Variants in SCFD2 observed in about 807,000 individuals in gnomAD.
SCFD2 encodes the protein sec1 family domain containing 2.
Under a neutral mutation model 58.9 loss-of-function variants are expected in SCFD2, and 54 were observed. The ratio of observed to expected loss-of-function variants is 0.92; its 90% CI spans 0.74 to 1.15. SCFD2 has a LOEUF of 1.15. Ranked by LOEUF, SCFD2 falls within the 50% of genes most tolerant of loss-of-function variation. SCFD2 has a pLI of 0.00. For missense variants in SCFD2, 805 were observed against 836.6 expected (o/e 0.96, Z 0.47); for synonymous variants, 321 against 335.9 (o/e 0.96, Z 0.49).
Position 52,926,407 on chromosome 4 carries a change from C to T in SCFD2, c.1562-5537G>A, listed in dbSNP as rs548363489. ...ACACACACAGACACACACACGCACG[C>T]GTGCGCACCTGTACACATATGCATT... On this transcript the variant is annotated intron_variant, in intron 5 of 8. Transcript: ENST00000401642. Among the ~76,000 whole-genome samples the T allele has an allele frequency of 4.6e-5, 7 of 152,198 alleles. No individual in the cohort carries two copies. In the South Asian group the frequency reaches 1.0e-3, roughly 23 times the overall value.
At chr4:53,062,883 T>C (rs1279516376) in intron 5 of SCFD2, among the ~76,000 whole-genome samples, 1 of 152,138 alleles carries the variant, frequency 6.6e-6, no homozygotes, top group East Asian at 1.9e-4. Context: ...GGATTTAGTC[T>C]CTTGAGTAAC....
At chr4:53,223,861 A>C (rs1341960545) in intron 4 of SCFD2, among the ~76,000 whole-genome samples, 1 of 152,212 alleles carries the variant, frequency 6.6e-6, no homozygotes, top group Non-Finnish European at 1.5e-5. Flanking sequence ...ATATATAAAA[A>C]GCTCTTACAA....
rs557174138 is a variant in SCFD2 at position 53,310,163 on chromosome 4, A to G, written c.1135+3473T>C. Among the ~76,000 whole-genome samples, 13 of 152,310 alleles carry G rather than the reference A, an allele frequency of 8.5e-5. No individual in the cohort carries two copies. In the South Asian group the frequency reaches 2.7e-3, roughly 32 times the overall value. ...TATTTAGTGGTCTGGGAGGCTTTCC[A>G]GTAAAAAAGTGTCATGAGCCAGACT... On this transcript the variant is annotated intron_variant, in intron 3 of 8. Coordinates refer to ENST00000401642, the MANE Select transcript of SCFD2 (RefSeq NM_152540.4).
intron 5 of SCFD2, among the ~76,000 whole-genome samples, chr4:52,993,935 T>G (rs1192139266): frequency 6.6e-6 from 1 of 152,242 alleles, no homozygotes; most frequent in Non-Finnish European, 1.5e-5. Context: ...GTCTTGGCAG[T>G]GCCACGGCAA....
At chr4:53,112,720 GATA>G (rs1164543432) in intron 5 of SCFD2, among the ~76,000 whole-genome samples, 1 of 152,046 alleles carries the variant, frequency 6.6e-6, no homozygotes, top group Non-Finnish European at 1.5e-5. Context: ...AGAAAATGGG[GATA>G]ATAATAACAG....
intron 4 of SCFD2, among the ~76,000 whole-genome samples, chr4:53,200,575 A>T (rs1728199620): frequency 6.6e-6 from 1 of 152,140 alleles, no homozygotes; most frequent in Non-Finnish European, 1.5e-5. Flanking sequence ...CTGTTTCTGG[A>T]AAGAACACTG....
intron 5 of SCFD2, among the ~76,000 whole-genome samples, chr4:53,098,925 C>G (rs948139823): frequency 6.6e-6 from 1 of 152,168 alleles, no homozygotes; most frequent in Admixed American, 6.6e-5. Context: ...CTAACATACT[C>G]TATCATTCAT....
At chr4:53,111,011 A>G (rs1228734120) in intron 5 of SCFD2, among the ~76,000 whole-genome samples, 1 of 152,224 alleles carries the variant, frequency 6.6e-6, no homozygotes, top group African/African-American at 2.4e-5. Flanking sequence ...GCAGCCATAA[A>G]AAGGATGAGT....
chr4:53,350,977 T>C (rs1407075017), intron 2 of SCFD2, among the ~76,000 whole-genome samples: 1 of 152,204 alleles, frequency 6.6e-6, no homozygotes, highest in Non-Finnish European at 1.5e-5. Flanking sequence ...CCCAAAGTGC[T>C]GGGATTACAG....
chr4:53,304,018 G>T (rs1212667594), intron 3 of SCFD2, among the ~76,000 whole-genome samples: 3 of 150,882 alleles, frequency 2.0e-5, no homozygotes, highest in Non-Finnish European at 3.0e-5. Flanking sequence ...CGAGTTAATG[G>T]GTGCAGCACA....
chr4:53,227,050 C>A lies in SCFD2; in HGVS notation c.1311+46776G>T, dbSNP rs141123227. On this transcript the variant is annotated intron_variant, in intron 4 of 8. Transcript: ENST00000401642. ...CCTTTCCTGTCATGCTGTCTTCCTGCGAAAGAAGATGGAGCATGTGGCTGA... is the reference window on the plus strand; with the variant it reads ...CCTTTCCTGTCATGCTGTCTTCCTGAGAAAGAAGATGGAGCATGTGGCTGA... Among the ~76,000 whole-genome samples, 3 of 152,246 alleles carry A rather than the reference C, an allele frequency of 2.0e-5. No homozygotes were observed. In the East Asian group the frequency reaches 5.8e-4, roughly 29 times the overall value.
chr4:53,081,828 T>C (rs1449330386), intron 5 of SCFD2, among the ~76,000 whole-genome samples: 4 of 152,130 alleles, frequency 2.6e-5, no homozygotes, highest in African/African-American at 4.8e-5. Context: ...TCATTCCCCA[T>C]GTCCCTCTCT....
chr4:52,885,694 C>T (rs773847898), intron 8 of SCFD2, 53 bp downstream of exon 8: 2 of 1,606,836 alleles, frequency 1.2e-6, no homozygotes, highest in Non-Finnish European at 1.7e-6. Flanking sequence ...CCCTCACCCA[C>T]CCTTCACACC....
intron 8 of SCFD2, among the ~76,000 whole-genome samples, chr4:52,874,953 A>G (rs980055980): frequency 6.6e-6 from 1 of 152,240 alleles, no homozygotes; most frequent in Admixed American, 6.5e-5. Context: ...GTTAATTTCT[A>G]TGATGTGCCA....
chr4:53,342,060 AATAACCAGC>A (rs1731594542), intron 2 of SCFD2, among the ~76,000 whole-genome samples: 1 of 152,250 alleles, frequency 6.6e-6, no homozygotes, highest in South Asian at 2.1e-4. Context: ...TAATGGACAA[AATAACCAGC>A]TAACGTCATA....
intron 5 of SCFD2, among the ~76,000 whole-genome samples, chr4:53,058,340 G>A (rs1485605690): frequency 6.6e-6 from 1 of 151,850 alleles, no homozygotes; most frequent in Non-Finnish European, 1.5e-5. Flanking sequence ...GTTATAGTTA[G>A]TAAAACAAAA....
chr4:52,991,134 T>C (rs1721603759), intron 5 of SCFD2, among the ~76,000 whole-genome samples: 2 of 152,118 alleles, frequency 1.3e-5, no homozygotes, highest in South Asian at 4.1e-4. Flanking sequence ...GGGAAGCTTG[T>C]TTTCAGGTTA....
chr4:53,310,385 T>C (rs1181062225), intron 3 of SCFD2, among the ~76,000 whole-genome samples: 2 of 152,224 alleles, frequency 1.3e-5, no homozygotes, highest in Admixed American at 6.5e-5. Context: ...AGGACAGATA[T>C]GTGAAGTTCC....
chr4:52,936,433 T>C (rs79119452), intron 5 of SCFD2, among the ~76,000 whole-genome samples: 9,353 of 152,272 alleles, frequency 0.061, 358 homozygotes, highest in South Asian at 0.12. Context: ...GTCTCTGCCA[T>C]TGAAATATGG....
Sources: allele counts gnomAD v4.1 joint callset (sites outside exome capture counted in the v4.1 genomes callset), GRCh38; gene constraint gnomAD v4.1.1; transcripts MANE v1.5; gene names NCBI Gene and HGNC (gene_info 2026-07-23, HGNC 2026-07-21).